The following TNR variants were observed in gnomAD, a reference collection of about 807,000 sequenced individuals.
The protein encoded by TNR is tenascin R, also known as tenascin-R.
A neutral mutation model predicts 150.4 loss-of-function variants in TNR; 45 were observed. That is an observed-to-expected ratio of 0.30 (90% CI 0.24 to 0.38). The LOEUF (loss-of-function observed/expected upper bound fraction) is 0.38, where lower values mean the gene tolerates loss of function less well. Among genes scored for constraint, TNR ranks in the 10% least tolerant of loss-of-function variants. TNR has a pLI of 1.00. For missense variants in TNR, 1,544 were observed against 1,759.1 expected, an observed-to-expected ratio of 0.88 and a Z score of 2.19; for synonymous variants, 687 against 678.4, an observed-to-expected ratio of 1.01 and a Z score of -0.20.
chr1:175,345,973 A>G (rs1402023674), intron 18 of TNR, among the ~76,000 whole-genome samples: 1 of 152,194 alleles, frequency 6.6e-6, no homozygotes, highest in Non-Finnish European at 1.5e-5. Flanking sequence ...GAACCGGATT[A>G]ACATTCGACT....
intron 2 of TNR, among the ~76,000 whole-genome samples, chr1:175,500,794 G>A (rs563337601): frequency 6.6e-6 from 1 of 152,360 alleles, no homozygotes; most frequent in Admixed American, 6.5e-5. Context: ...GAGGTCTGGA[G>A]CAGGAGGACG....
At chr1:175,467,837 G>T (rs1349331323) in intron 2 of TNR, among the ~76,000 whole-genome samples, 1 of 152,130 alleles carries the variant, frequency 6.6e-6, no homozygotes. Flanking sequence ...ACTCCATTGG[G>T]CAAAGAAATT....
intron 2 of TNR, among the ~76,000 whole-genome samples, chr1:175,503,737 C>A (rs574231333): frequency 1.6e-3 from 247 of 152,242 alleles, no homozygotes; most frequent in African/African-American, 5.7e-3. Flanking sequence ...TCAAGCTGAG[C>A]AATTTGCAGA....
At chr1:175,471,883 C>T (rs1657309128) in intron 2 of TNR, among the ~76,000 whole-genome samples, 2 of 152,096 alleles carry the variant, frequency 1.3e-5, no homozygotes, top group Admixed American at 6.6e-5. Context: ...CATGATACAC[C>T]TGTACAAAAA....
At chr1:175,491,508 A>G (rs1038222868) in intron 2 of TNR, among the ~76,000 whole-genome samples, 11 of 152,186 alleles carry the variant, frequency 7.2e-5, no homozygotes, top group Non-Finnish European at 1.5e-4. Flanking sequence ...TGATTTAGTC[A>G]TTTTTACAAA....
At chr1:175,732,203 C>A (rs1481904938) in intron 1 of TNR, among the ~76,000 whole-genome samples, 1 of 152,184 alleles carries the variant, frequency 6.6e-6, no homozygotes, top group Non-Finnish European at 1.5e-5. Flanking sequence ...CATATTCCTG[C>A]CCAGCTGGAC....
chr1:175,546,883 A>C (rs1445753047), intron 1 of TNR, among the ~76,000 whole-genome samples: 1 of 152,202 alleles, frequency 6.6e-6, no homozygotes, highest in East Asian at 1.9e-4. Context: ...AAGTGGGCAC[A>C]GGCTCACCTC....
At chr1:175,323,682 G>A (rs1479193628) in intron 22 of TNR, among the ~76,000 whole-genome samples, 1 of 152,208 alleles carries the variant, frequency 6.6e-6, no homozygotes. Flanking sequence ...GGTGGCCTGG[G>A]TCTTTCCAGG....
At chr1:175,693,282 C>A (rs1401399949) in intron 1 of TNR, among the ~76,000 whole-genome samples, 2 of 152,212 alleles carry the variant, frequency 1.3e-5, no homozygotes, top group African/African-American at 4.8e-5. Context: ...CACCCTCCAC[C>A]ATCCACCTGT....
chr1:175,733,751 G>T (rs1207933589), intron 1 of TNR, among the ~76,000 whole-genome samples: 1 of 152,004 alleles, frequency 6.6e-6, no homozygotes, highest in Non-Finnish European at 1.5e-5. Flanking sequence ...CATCTCACCT[G>T]GCCCCGCTCC....
chr1:175,370,043 ATTCT>A (rs890710814), intron 9 of TNR, among the ~76,000 whole-genome samples: 4 of 152,024 alleles, frequency 2.6e-5, no homozygotes, highest in Admixed American at 2.6e-4. Flanking sequence ...CCAACCCTTA[ATTCT>A]TTCTTTCTCT....
chr1:175,483,350 A>G (rs1348727612), intron 2 of TNR, among the ~76,000 whole-genome samples: 1 of 152,174 alleles, frequency 6.6e-6, no homozygotes, highest in Non-Finnish European at 1.5e-5. Context: ...TGGAATCTGG[A>G]ATGAATCTTA....
intron 2 of TNR, among the ~76,000 whole-genome samples, chr1:175,482,818 T>A (rs896302051): frequency 1.6e-4 from 24 of 152,186 alleles, no homozygotes; most frequent in African/African-American, 4.6e-4. Context: ...AGGCTTGTAC[T>A]AAGAGAGCAG....
chr1:175,337,210 A>G (rs1650292106), intron 19 of TNR, among the ~76,000 whole-genome samples: 2 of 152,178 alleles, frequency 1.3e-5, no homozygotes, highest in African/African-American at 4.8e-5. Context: ...CTGCTTTATT[A>G]GAGATGCATT....
Position 175,323,271 on chromosome 1 carries a change from A to G in TNR, c.*86T>C. On this transcript the variant is annotated 3_prime_UTR_variant, in exon 23 of 23. Transcript: ENST00000367674. ...ATACTCTTAATATGTTGCAAAACAC[A>G]TTGCTATTACCCTCCCCCCTTGTTT... is the stretch of plus-strand genomic sequence containing the variant. The G allele has an allele frequency of 6.5e-7, 1 of 1,545,720 alleles. No individual in the cohort carries two copies. The highest frequency in any genetic ancestry group is 8.8e-7 in the Non-Finnish European group (1 of 1,134,940).
intron 1 of TNR, among the ~76,000 whole-genome samples, chr1:175,630,472 G>A (rs993615295): frequency 6.6e-6 from 1 of 152,220 alleles, no homozygotes; most frequent in African/African-American, 2.4e-5. Context: ...TAGCAGGCAT[G>A]GGGTTAGGCG....
At chr1:175,571,724 C>T (rs1661878762) in intron 1 of TNR, among the ~76,000 whole-genome samples, 1 of 152,196 alleles carries the variant, frequency 6.6e-6, no homozygotes, top group African/African-American at 2.4e-5. Flanking sequence ...ATCCAACTAC[C>T]TGCATGTTTT....
At chr1:175,616,905 G>A (rs1314827414) in intron 1 of TNR, among the ~76,000 whole-genome samples, 3 of 152,180 alleles carry the variant, frequency 2.0e-5, no homozygotes, top group African/African-American at 4.8e-5. Context: ...GAAATGAGAG[G>A]TTGAAAAAGA....
intron 1 of TNR, among the ~76,000 whole-genome samples, chr1:175,719,543 T>C (rs77191059): frequency 0.019 from 2,956 of 152,328 alleles, 100 homozygotes; most frequent in African/African-American, 0.066. Context: ...ATGCAGTAAG[T>C]TAGCACACAT....
Sources: allele counts gnomAD v4.1 joint callset (sites outside exome capture counted in the v4.1 genomes callset), GRCh38; gene constraint gnomAD v4.1.1; transcripts MANE v1.5; gene names NCBI Gene and HGNC (gene_info 2026-07-23, HGNC 2026-07-21).